The following ZC2HC1B variants were observed in gnomAD, a reference collection of about 807,000 sequenced individuals.
ZC2HC1B encodes the protein zinc finger C2HC-type containing 1B.
In ZC2HC1B, 36 loss-of-function variants were observed where a neutral mutation model predicts 31.0. The ratio of observed to expected loss-of-function variants is 1.16; its 90% CI spans 0.89 to 1.54. The LOEUF is 1.54. Among genes scored for constraint, ZC2HC1B ranks in the 40% most tolerant of loss-of-function variants. The pLI is 0.00. For synonymous variants in ZC2HC1B, 73 were observed against 88.0 expected (o/e 0.83, Z 0.95); for missense variants, 260 against 268.6 (o/e 0.97, Z 0.22).
Position 143,883,258 on chromosome 6 carries a change from C to T in ZC2HC1B, c.29-1046C>T, listed in dbSNP as rs9496797. Reference sequence around the variant, plus strand: ...CTCCCTATGTTGCCCAAGCTGGTCTCGAATCCTTAGGCTCAAGCAATCCTC... The same window carrying T: ...CTCCCTATGTTGCCCAAGCTGGTCTTGAATCCTTAGGCTCAAGCAATCCTC... On this transcript the variant is annotated intron_variant, in intron 1 of 7. Transcript: ENST00000237275. The surrounding 1 kb of genome is among the most constrained non-coding windows in gnomAD (Gnocchi z 4.1). Among the ~76,000 whole-genome samples, 3,411 of 152,268 alleles carry T rather than the reference C, an allele frequency of 0.022. 121 individuals are homozygous for T. The highest frequency in any genetic ancestry group is 0.076 in the African/African-American group (3,159 of 41,534).
rs1282735857 is a variant in ZC2HC1B at position 143,921,803 on chromosome 6, C to A, written c.599-15846C>A. On this transcript the variant is annotated intron_variant, in intron 6 of 7. Transcript: ENST00000237275. This position sits in a 1 kb window ranked among gnomAD's most constrained non-coding sequence, Gnocchi z 6.1. ...AAAAATTTGCTACATGTGGTGGCAC[C>A]CACTTGTAGCTCTTGCTACCCAGGA... Among the ~76,000 whole-genome samples the A allele has an allele frequency of 6.6e-6, 1 of 152,010 alleles. No homozygotes were observed. Among genetic ancestry groups the A allele is most frequent in the Non-Finnish European group, 1.5e-5 (1 of 67,994 alleles).
In ZC2HC1B at chr6:143,886,119, A is replaced by G. The variant is rs1156626112; in HGVS notation, c.178A>G (p.Ile60Val). 1 of 1,548,268 alleles carries G rather than the reference A, an allele frequency of 6.5e-7. No individual in the cohort carries two copies. Among genetic ancestry groups the G allele is most frequent in the East Asian group, 2.5e-5 (1 of 40,800 alleles). The change falls in exon 3 of 8, where the codon ATT becomes GTT. Residue 60 changes from isoleucine (I) to valine (V), a missense_variant. Ile to Val is a conservative substitution (Grantham distance 29). Coordinates refer to ENST00000237275, the MANE Select transcript of ZC2HC1B (RefSeq NM_001013623.3). The surrounding 1 kb of genome is among the most constrained non-coding windows in gnomAD (Gnocchi z 4.2). The stretch of plus-strand genomic sequence containing the variant: ...GAAGCAAAGATTACAGGGCACTGAC[A>G]TTCCTACTGTGAAGAAGACTCCACA... ...SLKQRLQGTD[I>V]PTVKKTPQSK...
In ZC2HC1B at chr6:143,884,238, C is replaced by G; in HGVS notation, c.29-66C>G. The G allele has an allele frequency of 7.0e-7, 1 of 1,419,584 alleles. No individual in the cohort carries two copies. The allele number at this position is 1,419,584 out of a possible 1,614,324, so 87.9% of individuals were successfully genotyped here. A position where few individuals can be genotyped will look rare whatever the true frequency, so the allele number is the denominator to read the frequency against. On this transcript the variant is annotated intron_variant, in intron 1 of 7. Transcript: ENST00000237275. This position sits in a 1 kb window ranked among gnomAD's most constrained non-coding sequence, Gnocchi z 5.1. ...TCAAGCTATTGAGGTCACCTCCAGT[C>G]AGTCATTTCTTCTCAGCGAGGAAAT...
chr6:143,878,709 A>G (rs1199983244), intron 1 of ZC2HC1B, among the ~76,000 whole-genome samples: 1 of 137,008 alleles, frequency 7.3e-6, no homozygotes, highest in Non-Finnish European at 1.6e-5. Context: ...TGATCCATTA[A>G]CAAAAATGTT....
At chr6:143,889,837 A>G (rs1350759820) in intron 4 of ZC2HC1B, among the ~76,000 whole-genome samples, 3 of 152,170 alleles carry the variant, frequency 2.0e-5, no homozygotes, top group Non-Finnish European at 4.4e-5. Context: ...TACTTATCCT[A>G]TGACACATAG....
At position 143,872,088 on chromosome 6, in the gene ZC2HC1B, C is replaced by G. The variant is rs1382805654; in HGVS notation, c.28+7521C>G. 1.3e-5 allele frequency among the ~76,000 whole-genome samples: 2 copies of G among 152,134 alleles called. No homozygotes were observed. Among genetic ancestry groups the G allele is most frequent in the Non-Finnish European group, 2.9e-5 (2 of 68,028 alleles). On this transcript the variant is annotated intron_variant, in intron 1 of 7. Transcript: ENST00000237275. This position sits in a 1 kb window ranked among gnomAD's most constrained non-coding sequence, Gnocchi z 5.5. ...CCTTTTTCCCCAATGCATAGTTACC[C>G]TGGTACAAGGCCAGAGGTCTTCTTG...
Position 143,870,719 on chromosome 6 carries a change from TAGA to T in ZC2HC1B, c.28+6156_28+6158del, listed in dbSNP as rs1470812252. On this transcript the variant is annotated intron_variant, in intron 1 of 7. Coordinates refer to ENST00000237275, the MANE Select transcript of ZC2HC1B (RefSeq NM_001013623.3). The surrounding 1 kb of genome is among the most constrained non-coding windows in gnomAD (Gnocchi z 4.7). ...CTCTCAAAAGAAGAGTAATTATCTG[TAGA>T]AGATGGCAGAGCCTTGCTCCAAAAT... is the stretch of plus-strand genomic sequence containing the variant. Among the ~76,000 whole-genome samples the T allele has an allele frequency of 2.0e-5, 3 of 152,308 alleles. No individual in the cohort carries two copies. In the East Asian group the frequency reaches 5.8e-4, roughly 29 times the overall value.
Position 143,871,056 on chromosome 6 carries a change from C to T in ZC2HC1B, c.28+6489C>T, listed in dbSNP as rs150359832. Among the ~76,000 whole-genome samples, 2 of 152,112 alleles carry T rather than the reference C, an allele frequency of 1.3e-5. No individual in the cohort carries two copies. The highest frequency in any genetic ancestry group is 4.8e-5 in the African/African-American group (2 of 41,496). On this transcript the variant is annotated intron_variant, in intron 1 of 7. Coordinates refer to ENST00000237275, the MANE Select transcript of ZC2HC1B (RefSeq NM_001013623.3). The surrounding 1 kb of genome is among the most constrained non-coding windows in gnomAD (Gnocchi z 4.1). ...GCCTCTTTCTTGGTGGTAGGAGGGG[C>T]CAAATGCAGCAACTTATCCTTCATC...
chr6:143,878,028 T>G (rs1369886343), intron 1 of ZC2HC1B, among the ~76,000 whole-genome samples: 8 of 150,830 alleles, frequency 5.3e-5, no homozygotes, highest in African/African-American at 2.0e-4. Flanking sequence ...CATACATATA[T>G]AGCTGATTCT....
At position 143,903,083 on chromosome 6, in the gene ZC2HC1B, AC is replaced by A; in HGVS notation, c.531del (p.Ser178ValfsTer24). On this transcript the variant is annotated frameshift_variant, in exon 6 of 8. Coordinates refer to ENST00000237275, the MANE Select transcript of ZC2HC1B (RefSeq NM_001013623.3). LOFTEE classifies it high-confidence loss of function. This position sits in a 1 kb window ranked among gnomAD's most constrained non-coding sequence, Gnocchi z 4.3. ...GGGTCCAAAAAAAGAACCAACTGTTACCAGTGCTGTGGGAGCTTTGCTGCAG... is the reference window on the plus strand; with the variant it reads ...GGGTCCAAAAAAAGAACCAACTGTTACAGTGCTGTGGGAGCTTTGCTGCAG... Reference protein sequence around the residue: ...QMGPKKEPTVTSAVGALLQNR... With the variant: ...QMGPKKEPTVXSAVGALLQNR... 6.4e-7 allele frequency: 1 copy of A among 1,551,934 alleles called. No homozygotes were observed. The highest frequency in any genetic ancestry group is 8.7e-7 in the Non-Finnish European group (1 of 1,147,032).
intron 4 of ZC2HC1B, among the ~76,000 whole-genome samples, chr6:143,893,851 T>C (rs1328913605): frequency 1.3e-5 from 2 of 152,016 alleles, no homozygotes; most frequent in African/African-American, 4.8e-5. Context: ...CACACCCAGC[T>C]AATGTTTTGT....
chr6:143,882,334 T>TTTATA (rs1554237237), intron 1 of ZC2HC1B, among the ~76,000 whole-genome samples: 996 of 85,514 alleles, frequency 0.012, 11 homozygotes, highest in Middle Eastern at 0.037. Flanking sequence ...TTTATATTTT[T>TTTATA]TATATATATA....
chr6:143,934,185 T>C lies in ZC2HC1B; in HGVS notation c.599-3464T>C, dbSNP rs1305143031. On this transcript the variant is annotated intron_variant, in intron 6 of 7. Transcript: ENST00000237275. The surrounding 1 kb of genome is among the most constrained non-coding windows in gnomAD (Gnocchi z 4.6). ...AGCAGATGTGTCCCCTCTCAGACTT[T>C]GGGAACTTACGAATTTTCACCTGTC... Among the ~76,000 whole-genome samples the C allele has an allele frequency of 1.3e-5, 2 of 152,254 alleles. No individual in the cohort carries two copies. The highest frequency in any genetic ancestry group is 4.8e-5 in the African/African-American group (2 of 41,474).
Position 143,924,546 on chromosome 6 carries a change from T to C in ZC2HC1B, c.599-13103T>C, listed in dbSNP as rs1324403922. ...GTTGAATAAAAGTGATGACCCTATC[T>C]CTAAATAAATAATAAAAATGAAGTG... On this transcript the variant is annotated intron_variant, in intron 6 of 7. Transcript: ENST00000237275. The surrounding 1 kb of genome is among the most constrained non-coding windows in gnomAD (Gnocchi z 5.2). Among the ~76,000 whole-genome samples, 2 of 152,064 alleles carry C rather than the reference T, an allele frequency of 1.3e-5. No homozygotes were observed. Among genetic ancestry groups the C allele is most frequent in the African/African-American group, 4.8e-5 (2 of 41,414 alleles).
At chr6:143,937,044 T>C (rs1030619316) in intron 6 of ZC2HC1B, among the ~76,000 whole-genome samples, 3 of 151,952 alleles carry the variant, frequency 2.0e-5, no homozygotes, top group Non-Finnish European at 4.4e-5. Context: ...CCTTTTTTAT[T>C]TTTTAACAAA....
intron 1 of ZC2HC1B, among the ~76,000 whole-genome samples, chr6:143,864,863 T>C (rs1777236673): frequency 6.6e-6 from 1 of 152,226 alleles, no homozygotes; most frequent in African/African-American, 2.4e-5. Flanking sequence ...TTTATGTCAA[T>C]ATTGAGAATG....
In ZC2HC1B at chr6:143,903,064, A is replaced by G. The variant is rs1303536585; in HGVS notation, c.510A>G (p.Pro170=). 1.3e-6 allele frequency: 2 copies of G among 1,551,392 alleles called. No homozygotes were observed. The highest frequency in any genetic ancestry group is 4.9e-5 in the East Asian group (2 of 40,900). The change falls in exon 6 of 8, where the codon CCA becomes CCG. Residue 170 remains proline, a synonymous_variant. Transcript: ENST00000237275. This position sits in a 1 kb window ranked among gnomAD's most constrained non-coding sequence, Gnocchi z 4.3. The stretch of plus-strand genomic sequence containing the variant: ...TGTAGGGTAGGGCTCAGATGGGTCC[A>G]AAAAAAGAACCAACTGTTACCAGTG... The part of the protein sequence containing the change: ...SRAQGRAQMG[P]KKEPTVTSAV...
Position 143,918,245 on chromosome 6 carries a change from C to CT in ZC2HC1B, c.598+15094dup, listed in dbSNP as rs1283539973. Among the ~76,000 whole-genome samples, 15 of 152,130 alleles carry CT rather than the reference C, an allele frequency of 9.9e-5. 1 individual carries two copies. Among genetic ancestry groups the CT allele is most frequent in the Non-Finnish European group, 1.0e-4 (7 of 68,030 alleles). On this transcript the variant is annotated intron_variant, in intron 6 of 7. Transcript: ENST00000237275. This position sits in a 1 kb window ranked among gnomAD's most constrained non-coding sequence, Gnocchi z 4.1. Reference sequence around the variant, plus strand: ...AAGCTCCTGGGCTCAAGCAATCCTCCTACCCCAGCCTCCTGAGTAGCTGAG... The same window carrying CT: ...AAGCTCCTGGGCTCAAGCAATCCTCCTTACCCCAGCCTCCTGAGTAGCTGAG...
rs749952288 is a variant in ZC2HC1B, at chr6:143,868,632, T to G, written c.28+4065T>G. Reference sequence around the variant, plus strand: ...CCCAGGATCAATAACTTTGCATCCTTCTTTCCAATCAGGTTGACACTCAGT... The same window carrying G: ...CCCAGGATCAATAACTTTGCATCCTGCTTTCCAATCAGGTTGACACTCAGT... On this transcript the variant is annotated intron_variant, in intron 1 of 7. Coordinates refer to ENST00000237275, the MANE Select transcript of ZC2HC1B (RefSeq NM_001013623.3). The surrounding 1 kb of genome is among the most constrained non-coding windows in gnomAD (Gnocchi z 4.2). 3.9e-5 allele frequency among the ~76,000 whole-genome samples: 6 copies of G among 152,200 alleles called. No homozygotes were observed. The highest frequency in any genetic ancestry group is 7.2e-5 in the African/African-American group (3 of 41,460).
Sources: gnomAD v4.1 joint callset for allele counts (sites outside exome capture counted in the v4.1 genomes callset) on GRCh38, gnomAD v4.1.1 for gene constraint, Gnocchi (gnomAD v3.1) non-coding constraint, MANE v1.5 for transcripts, NCBI Gene and HGNC (gene_info 2026-07-23, HGNC 2026-07-21) for gene names.